MMP16: variants seen among roughly 807,000 people sequenced by gnomAD.
MMP16 encodes matrix metallopeptidase 16.
A neutral mutation model predicts 67.8 loss-of-function variants in MMP16; 12 were observed. The ratio of observed to expected loss-of-function variants is 0.18; its 90% CI spans 0.11 to 0.29. MMP16 has a LOEUF of 0.29. Ranked by LOEUF, MMP16 falls within the 10% of genes least tolerant of loss-of-function variation. The pLI is 1.00. For synonymous variants in MMP16, 249 were observed against 255.9 expected, an observed-to-expected ratio of 0.97 and a Z score of 0.26; for missense variants, 475 against 765.7, an observed-to-expected ratio of 0.62 and a Z score of 4.48.
At chr8:88,222,732 C>A (rs1420806044) in intron 1 of MMP16, among the ~76,000 whole-genome samples, 1 of 152,008 alleles carries the variant, frequency 6.6e-6, no homozygotes, top group African/African-American at 2.4e-5. Flanking sequence ...CAGCTAAAAC[C>A]ATAAAAACCC....
chr8:88,308,020 G>GT (rs2130058930), intron 1 of MMP16, among the ~76,000 whole-genome samples: 1 of 152,134 alleles, frequency 6.6e-6, no homozygotes, highest in East Asian at 1.9e-4. Context: ...CTTCAAAATA[G>GT]TTTTCCCAGA....
intron 2 of MMP16, among the ~76,000 whole-genome samples, chr8:88,190,129 A>G (rs74393584): frequency 6.6e-5 from 10 of 152,126 alleles, no homozygotes; most frequent in Non-Finnish European, 1.3e-4. Flanking sequence ...CACATAAGAA[A>G]TAAGCATAAC....
chr8:88,279,024 C>T (rs1810691488), intron 1 of MMP16, among the ~76,000 whole-genome samples: 1 of 151,982 alleles, frequency 6.6e-6, no homozygotes, highest in Non-Finnish European at 1.5e-5. Flanking sequence ...GAGATCGAGA[C>T]CATCCTGGCC....
intron 3 of MMP16, among the ~76,000 whole-genome samples, 162 bp from the exon 4 acceptor site, chr8:88,168,135 T>C (rs543372951): frequency 2.0e-5 from 3 of 152,306 alleles, no homozygotes; most frequent in East Asian, 1.9e-4. Context: ...TTCACTACAC[T>C]GCAATCATTT....
At chr8:88,157,146 A>G (rs550492817) in intron 4 of MMP16, among the ~76,000 whole-genome samples, 2 of 152,238 alleles carry the variant, frequency 1.3e-5, no homozygotes, top group Non-Finnish European at 2.9e-5. Flanking sequence ...TGGCTTTTGC[A>G]TCTATGCAGT....
intron 2 of MMP16, among the ~76,000 whole-genome samples, chr8:88,195,811 A>G (rs1168510942): frequency 7.9e-5 from 12 of 152,152 alleles, no homozygotes; most frequent in African/African-American, 2.9e-4. Flanking sequence ...GCATCTCTCA[A>G]AAGTACTAGG....
intron 7 of MMP16, chr8:88,069,332 G>A (rs1316085955): frequency 2.6e-6 from 1 of 385,784 alleles, no homozygotes. Flanking sequence ...ATTGTAAATG[G>A]CCTTTTATTT....
At chr8:88,269,402 C>T (rs562210499) in intron 1 of MMP16, among the ~76,000 whole-genome samples, 1 of 152,084 alleles carries the variant, frequency 6.6e-6, no homozygotes, top group African/African-American at 2.4e-5. Context: ...AATATCTTCA[C>T]AGAGCCATAA....
At chr8:88,141,548 T>A in intron 4 of MMP16, among the ~76,000 whole-genome samples, 1 of 152,182 alleles carries the variant, frequency 6.6e-6, no homozygotes, top group Admixed American at 6.5e-5. Context: ...ATTATCTAAT[T>A]CTTTGTGTTT....
At chr8:88,168,912 T>C (rs899277538) in intron 3 of MMP16, among the ~76,000 whole-genome samples, 4 of 152,170 alleles carry the variant, frequency 2.6e-5, no homozygotes, top group African/African-American at 9.7e-5. Context: ...CTGATTGTGT[T>C]GCCCTGACTG....
chr8:88,163,711 T>A (rs567834524), intron 4 of MMP16, among the ~76,000 whole-genome samples: 2 of 152,100 alleles, frequency 1.3e-5, no homozygotes, highest in South Asian at 2.1e-4. Flanking sequence ...GACAAGGAAA[T>A]AATGTCCTAT....
chr8:88,061,376 T>C (rs1808398575), intron 7 of MMP16, among the ~76,000 whole-genome samples: 1 of 152,100 alleles, frequency 6.6e-6, no homozygotes, highest in Admixed American at 6.6e-5. Context: ...TCCTTTCATC[T>C]CCTTTTTAAT....
At chr8:88,255,203 G>A (rs1369684642) in intron 1 of MMP16, among the ~76,000 whole-genome samples, 1 of 152,056 alleles carries the variant, frequency 6.6e-6, no homozygotes, top group Non-Finnish European at 1.5e-5. Context: ...TTCTTGCTCT[G>A]TAAGTTCAGG....
intron 1 of MMP16, among the ~76,000 whole-genome samples, chr8:88,229,997 T>A (rs1432140649): frequency 2.0e-5 from 3 of 152,068 alleles, no homozygotes; most frequent in Non-Finnish European, 4.4e-5. Flanking sequence ...ACAAATCCCC[T>A]TCTCATTAGA....
At chr8:88,046,525 G>GA (rs537623553) in intron 9 of MMP16, 144 bp downstream of exon 9, 1,083 of 396,976 alleles carry the variant, frequency 2.7e-3, no homozygotes, top group Non-Finnish European at 3.5e-3. Flanking sequence ...GTAAATCTAG[G>GA]AAAAAAAGTT....
intron 1 of MMP16, among the ~76,000 whole-genome samples, chr8:88,272,758 T>C (rs139284766): frequency 1.2e-4 from 18 of 152,242 alleles, no homozygotes; most frequent in African/African-American, 3.9e-4. Flanking sequence ...ACAGTGAACA[T>C]TGATCGCTAG....
chr8:88,217,105 T>C (rs1019659357), intron 1 of MMP16, among the ~76,000 whole-genome samples: 2 of 152,072 alleles, frequency 1.3e-5, no homozygotes, highest in Admixed American at 1.3e-4. Context: ...TCTGTAATTC[T>C]TCAAGCATTT....
chr8:88,062,025 T>A (rs1431410706), intron 7 of MMP16, among the ~76,000 whole-genome samples: 1 of 152,128 alleles, frequency 6.6e-6, no homozygotes, highest in Non-Finnish European at 1.5e-5. Flanking sequence ...CTCACAAAAT[T>A]AAGAAATACC....
chr8:88,098,314 T>C (rs1261427210), intron 6 of MMP16, among the ~76,000 whole-genome samples: 1 of 152,004 alleles, frequency 6.6e-6, no homozygotes, highest in African/African-American at 2.4e-5. Context: ...CCAGAGTTTT[T>C]ATTGAGTATT....
Sources: gnomAD v4.1 joint callset for allele counts (sites outside exome capture counted in the v4.1 genomes callset) on GRCh38, gnomAD v4.1.1 for gene constraint, MANE v1.5 for transcripts, NCBI Gene and HGNC (gene_info 2026-07-23, HGNC 2026-07-21) for gene names.